The following LRRC4C variants were observed in gnomAD, a reference collection of about 807,000 sequenced individuals.
The protein encoded by LRRC4C is leucine-rich repeat-containing protein 4C.
In LRRC4C, 5 loss-of-function variants were observed where a neutral mutation model predicts 33.6. The observed-to-expected ratio is 0.15, with a 90% confidence interval of 0.08 to 0.31. The LOEUF is 0.31. LRRC4C is among the 10% of genes least tolerant of loss of function. LRRC4C has a pLI of 1.00. For synonymous variants in LRRC4C, 329 were observed against 302.0 expected (o/e 1.09, Z -0.93); for missense variants, 560 against 796.7 (o/e 0.70, Z 3.58).
At chr11:41,363,057 T>C (rs1952412843) in intron 1 of LRRC4C, among the ~76,000 whole-genome samples, 1 of 152,234 alleles carries the variant, frequency 6.6e-6, no homozygotes, top group Admixed American at 6.5e-5. Flanking sequence ...GATGTCTTCC[T>C]TACATATCTC....
At chr11:41,431,697 C>T (rs903880096) in intron 1 of LRRC4C, among the ~76,000 whole-genome samples, 13 of 151,872 alleles carry the variant, frequency 8.6e-5, no homozygotes, top group African/African-American at 3.1e-4. Context: ...ATTTCTTATT[C>T]AGAGCTTCTC....
intron 1 of LRRC4C, among the ~76,000 whole-genome samples, chr11:41,167,206 A>G (rs541176996): frequency 5.9e-5 from 9 of 152,306 alleles, no homozygotes; most frequent in African/African-American, 1.9e-4. Flanking sequence ...TAGATCTTTC[A>G]TGTAGCACAG....
At chr11:40,867,019 T>C (rs552409916) in intron 2 of LRRC4C, among the ~76,000 whole-genome samples, 9 of 152,188 alleles carry the variant, frequency 5.9e-5, no homozygotes, top group Non-Finnish European at 1.3e-4. Context: ...AGTTTGACTG[T>C]ATATGTTCCT....
intron 2 of LRRC4C, among the ~76,000 whole-genome samples, chr11:40,885,226 G>A (rs1459590007): frequency 2.6e-5 from 4 of 151,986 alleles, no homozygotes; most frequent in Admixed American, 6.6e-5. Flanking sequence ...TAAATTAATT[G>A]TTAAATTTAA....
chr11:40,802,428 T>A (rs1164254762), intron 2 of LRRC4C, among the ~76,000 whole-genome samples: 1 of 151,184 alleles, frequency 6.6e-6, no homozygotes, highest in African/African-American at 2.4e-5. Flanking sequence ...ATATACTGAA[T>A]GGAGAGAAAT....
intron 3 of LRRC4C, among the ~76,000 whole-genome samples, chr11:40,415,133 G>T (rs554797331): frequency 1.3e-5 from 2 of 152,094 alleles, no homozygotes; most frequent in African/African-American, 4.8e-5. Flanking sequence ...ACCTCGTGCC[G>T]TTTGTGGCTT....
At chr11:40,511,703 A>G (rs988032003) in intron 3 of LRRC4C, among the ~76,000 whole-genome samples, 2 of 152,204 alleles carry the variant, frequency 1.3e-5, no homozygotes, top group Non-Finnish European at 2.9e-5. Context: ...TTAGTAAATG[A>G]TAAGTACAGC....
chr11:40,452,400 C>T (rs1256788774), intron 3 of LRRC4C, among the ~76,000 whole-genome samples: 1 of 152,176 alleles, frequency 6.6e-6, no homozygotes, highest in South Asian at 2.1e-4. Flanking sequence ...CAAAAGAAGA[C>T]ATTTATGCAG....
At chr11:41,422,588 T>C (rs1954908589) in intron 1 of LRRC4C, among the ~76,000 whole-genome samples, 1 of 152,086 alleles carries the variant, frequency 6.6e-6, no homozygotes, top group Non-Finnish European at 1.5e-5. Flanking sequence ...TTGGTTCCAC[T>C]GAAACACCAA....
intron 2 of LRRC4C, among the ~76,000 whole-genome samples, chr11:40,838,816 G>A (rs982920681): frequency 1.3e-5 from 2 of 151,846 alleles, no homozygotes; most frequent in African/African-American, 4.8e-5. Flanking sequence ...ACTGCTGAAA[G>A]TTATTCATCA....
intron 3 of LRRC4C, among the ~76,000 whole-genome samples, chr11:40,487,251 G>C (rs1953911378): frequency 1.3e-5 from 2 of 151,974 alleles, no homozygotes. Context: ...GGAATTTGAG[G>C]CTTCTGTAAT....
chr11:40,586,506 T>C (rs1403223968), intron 3 of LRRC4C, among the ~76,000 whole-genome samples: 1 of 149,472 alleles, frequency 6.7e-6, no homozygotes, highest in Non-Finnish European at 1.5e-5. Flanking sequence ...ATTTTCTCTT[T>C]TGTTGCCATT....
At chr11:40,159,448 C>T (rs1386728571) in intron 5 of LRRC4C, among the ~76,000 whole-genome samples, 1 of 152,166 alleles carries the variant, frequency 6.6e-6, no homozygotes, top group African/African-American at 2.4e-5. Context: ...TGCAGGCCAG[C>T]TGTGTGGGAC....
chr11:41,368,880 C>T (rs577067695), intron 1 of LRRC4C, among the ~76,000 whole-genome samples: 1 of 152,124 alleles, frequency 6.6e-6, no homozygotes, highest in African/African-American at 2.4e-5. Context: ...ATTGTAAGAA[C>T]CCATTTGTAG....
At chr11:41,123,723 C>T (rs1240608327) in intron 1 of LRRC4C, among the ~76,000 whole-genome samples, 1 of 152,078 alleles carries the variant, frequency 6.6e-6, no homozygotes, top group Non-Finnish European at 1.5e-5. Flanking sequence ...CAAATGTCAC[C>T]CTGGAATCAC....
At chr11:41,370,067 A>T (rs1004615064) in intron 1 of LRRC4C, among the ~76,000 whole-genome samples, 4 of 152,228 alleles carry the variant, frequency 2.6e-5, no homozygotes, top group Non-Finnish European at 4.4e-5. Context: ...ATTTCCTTAG[A>T]TATATCACAT....
intron 5 of LRRC4C, among the ~76,000 whole-genome samples, chr11:40,220,812 C>T (rs1383912620): frequency 6.6e-6 from 1 of 151,520 alleles, no homozygotes; most frequent in African/African-American, 2.4e-5. Context: ...CAAAAACAAT[C>T]TCTGTTAATA....
chr11:40,968,817 C>G (rs1851526667), intron 1 of LRRC4C, among the ~76,000 whole-genome samples: 1 of 152,116 alleles, frequency 6.6e-6, no homozygotes, highest in Non-Finnish European at 1.5e-5. Context: ...CCTATTCACC[C>G]AAAATCTCTG....
chr11:40,467,700 C>T (rs576541184), intron 3 of LRRC4C, among the ~76,000 whole-genome samples: 2 of 152,254 alleles, frequency 1.3e-5, no homozygotes, highest in East Asian at 3.9e-4. Context: ...CACAGCAAGA[C>T]ATTTGCTATT....
Sources: allele counts gnomAD v4.1 joint callset (sites outside exome capture counted in the v4.1 genomes callset), GRCh38; gene constraint gnomAD v4.1.1; transcripts MANE v1.5; gene names NCBI Gene and HGNC (gene_info 2026-07-23, HGNC 2026-07-21).